Variants in RAB17 observed in about 807,000 individuals in gnomAD.
RAB17 encodes the protein RAB17, member RAS oncogene family, also known as ras-related protein Rab-17.
RAB17 carries 15 observed loss-of-function variants against 19.3 expected under a neutral mutation model. The ratio of observed to expected loss-of-function variants is 0.78; its 90% CI spans 0.52 to 1.20. The LOEUF (loss-of-function observed/expected upper bound fraction) is 1.20, where lower values mean the gene tolerates loss of function less well. Ranked by LOEUF, RAB17 falls within the 50% of genes most tolerant of loss-of-function variation. The pLI, the probability that RAB17 is intolerant of heterozygous loss-of-function variation, is 0.00. For synonymous variants in RAB17, 110 were observed against 112.8 expected, an observed-to-expected ratio of 0.97 and a Z score of 0.16; for missense variants, 262 against 269.3, an observed-to-expected ratio of 0.97 and a Z score of 0.19.
chr2:237,590,440 G>A (rs1434470908), intron 1 of RAB17, 27 bp downstream of exon 1: 1 of 152,324 alleles, frequency 6.6e-6, no homozygotes, highest in African/African-American at 2.4e-5. Flanking sequence ...CTCCACAAAG[G>A]GCACAGAGGT....
intron 3 of RAB17, 51 bp from the exon 4 acceptor site, chr2:237,577,433 T>C: frequency 6.4e-7 from 1 of 1,551,978 alleles, no homozygotes; most frequent in South Asian, 1.2e-5. Flanking sequence ...AGGTGGTCAT[T>C]AGCTATTCCG....
chr2:237,577,790 T>C (rs2149182686), intron 3 of RAB17: 1 of 573,402 alleles, frequency 1.7e-6, no homozygotes, highest in East Asian at 2.9e-5. Flanking sequence ...GAGTGGCAGA[T>C]GGCAACGGCA....
Position 237,576,590 on chromosome 2 carries a change from C to T in RAB17, c.435+667G>A, listed in dbSNP as rs546974534. On this transcript the variant is annotated intron_variant, in intron 4 of 5. Coordinates refer to ENST00000264601, the MANE Select transcript of RAB17 (RefSeq NM_022449.4). ...TTTTCTCTTTGGGAGGCGCGCCCGTCGGTCTAAGCCCTGAGTTGGGTCTTC... is the reference window on the plus strand; with the variant it reads ...TTTTCTCTTTGGGAGGCGCGCCCGTTGGTCTAAGCCCTGAGTTGGGTCTTC... The T allele has an allele frequency of 2.0e-4, 93 of 471,274 alleles. 1 individual carries two copies. Among genetic ancestry groups the T allele is most frequent in the African/African-American group, 1.8e-3 (88 of 50,192 alleles). The allele number at this position is 471,274 out of a possible 1,614,324, so 29.2% of individuals were successfully genotyped here.
chr2:237,582,749 G>A (rs1022056080), intron 2 of RAB17, among the ~76,000 whole-genome samples: 5 of 152,348 alleles, frequency 3.3e-5, no homozygotes, highest in East Asian at 1.9e-4. Context: ...CCCAAAGCAC[G>A]TAAGTTAAAG....
Position 237,575,122 on chromosome 2 carries a change from T to A in RAB17, c.536A>T (p.Glu179Val). Residue 179 changes from glutamate to valine, a missense_variant, in exon 6 of 6, where the codon GAG becomes GTG. Physicochemically the swap from Glu to Val is moderately radical, Grantham distance 121. Transcript: ENST00000264601. ...VSEVFNTVAQ[E>V]LLQRSDEEGQ... ...CTCCTCGTCGCTTCTCTGCAGTAGC[T>A]CTTGGGCTGTGAACAGCAAGAGGAG... is the stretch of plus-strand genomic sequence containing the variant. The A allele has an allele frequency of 6.2e-7, 1 of 1,612,756 alleles. No individual in the cohort carries two copies. The highest frequency in any genetic ancestry group is 8.5e-7 in the Non-Finnish European group (1 of 1,179,512).
intron 1 of RAB17, among the ~76,000 whole-genome samples, chr2:237,588,010 C>T (rs1223088626): frequency 6.6e-6 from 1 of 152,090 alleles, no homozygotes; most frequent in African/African-American, 2.4e-5. Context: ...TGAGGCCAAG[C>T]ATGAAGAGCA....
At chr2:237,579,281 G>T (rs1262736947) in intron 2 of RAB17, 1 of 152,266 alleles carries the variant, frequency 6.6e-6, no homozygotes, top group African/African-American at 2.4e-5. Flanking sequence ...ACACTCCAAG[G>T]ACAGTGCATG....
At chr2:237,584,698 C>G (rs1162273280) in intron 2 of RAB17, among the ~76,000 whole-genome samples, 1 of 152,210 alleles carries the variant, frequency 6.6e-6, no homozygotes, top group Non-Finnish European at 1.5e-5. Flanking sequence ...ATACCAGCCA[C>G]CCAGGTACAA....
At position 237,574,677 on chromosome 2, in the gene RAB17, G is replaced by A. The variant is rs528606216; in HGVS notation, c.*342C>T. On this transcript the variant is annotated 3_prime_UTR_variant, in exon 6 of 6. Transcript: ENST00000264601. ...ATCAGACGTAAGGCATCTTCCCACC[G>A]TCGCTGTGCTGCGGGGACTTTTCCA... 30 of 1,450,040 alleles carry A rather than the reference G, an allele frequency of 2.1e-5. No homozygotes were observed. The highest frequency in any genetic ancestry group is 1.8e-4 in the Middle Eastern group (1 of 5,476). The allele number at this position is 1,450,040 out of a possible 1,614,324, so 89.8% of individuals were successfully genotyped here. A position where few individuals can be genotyped will look rare whatever the true frequency, so the allele number is the denominator to read the frequency against.
chr2:237,577,203 G>T, intron 4 of RAB17, 54 bp downstream of exon 4: 1 of 1,569,000 alleles, frequency 6.4e-7, no homozygotes, highest in Non-Finnish European at 8.6e-7. Flanking sequence ...TGACACAGGC[G>T]GGCAGGGCTC....
intron 1 of RAB17, among the ~76,000 whole-genome samples, chr2:237,587,830 C>T (rs1192801725): frequency 7.8e-6 from 1 of 128,684 alleles, no homozygotes; most frequent in Admixed American, 7.8e-5. Context: ...ATCTGTGTTT[C>T]TTAAAAAAAA....
chr2:237,575,548 T>C, intron 4 of RAB17, 68 bp from the exon 5 acceptor site: 1 of 1,166,668 alleles, frequency 8.6e-7, no homozygotes, highest in Non-Finnish European at 1.3e-6. Context: ...CTGGTTCACT[T>C]CCAACAGTAA....
At chr2:237,583,765 CG>C (rs2081326257) in intron 2 of RAB17, among the ~76,000 whole-genome samples, 1 of 152,184 alleles carries the variant, frequency 6.6e-6, no homozygotes, top group Non-Finnish European at 1.5e-5. Context: ...GCCTGTAGAA[CG>C]GTCCTTCCCC....
intron 1 of RAB17, among the ~76,000 whole-genome samples, chr2:237,589,230 G>T (rs1346204444): frequency 7.9e-6 from 1 of 126,480 alleles, no homozygotes. Flanking sequence ...CAAAAAAAAA[G>T]GTTATTTTAC....
At chr2:237,576,815 AG>A in intron 4 of RAB17, 1 of 447,928 alleles carries the variant, frequency 2.2e-6, no homozygotes, top group East Asian at 7.0e-5. Flanking sequence ...TTTGCACAGA[AG>A]CCCCTTCTGG....
chr2:237,576,973 A>G lies in RAB17; in HGVS notation c.435+284T>C, dbSNP rs78268371. Reference sequence around the variant, plus strand: ...TGCACTGGGCCTGAGTTTTTCAGGAAAGACCGGAAATCTTTGACTAAAAGA... The same window carrying G: ...TGCACTGGGCCTGAGTTTTTCAGGAGAGACCGGAAATCTTTGACTAAAAGA... On this transcript the variant is annotated intron_variant, in intron 4 of 5. Coordinates refer to ENST00000264601, the MANE Select transcript of RAB17 (RefSeq NM_022449.4). Among the ~76,000 whole-genome samples the G allele has an allele frequency of 4.0e-3, 608 of 152,290 alleles. 11 individuals are homozygous for G. The highest frequency in any genetic ancestry group is 0.027 in the East Asian group (142 of 5,186).
intron 1 of RAB17, among the ~76,000 whole-genome samples, chr2:237,587,956 G>A (rs1457409741): frequency 6.6e-6 from 1 of 152,206 alleles, no homozygotes; most frequent in Non-Finnish European, 1.5e-5. Context: ...GCTGGGAACA[G>A]TGTCTAGCAC....
intron 1 of RAB17, among the ~76,000 whole-genome samples, chr2:237,586,702 A>G (rs142598691): frequency 4.0e-3 from 613 of 152,340 alleles, no homozygotes; most frequent in Middle Eastern, 6.8e-3. Context: ...TGCCCCAGAG[A>G]AAACCAACTT....
At chr2:237,588,273 A>G (rs4609998) in intron 1 of RAB17, among the ~76,000 whole-genome samples, 39,939 of 152,102 alleles carry the variant, frequency 0.26, 6,933 homozygotes, top group African/African-American at 0.5. Context: ...TTGCCCTTTC[A>G]CCTTCCACTG....
Sources: gnomAD v4.1 joint callset for allele counts (sites outside exome capture counted in the v4.1 genomes callset) on GRCh38, gnomAD v4.1.1 for gene constraint, MANE v1.5 for transcripts, NCBI Gene and HGNC (gene_info 2026-07-23, HGNC 2026-07-21) for gene names.